PDE10A: variants seen among roughly 807,000 people sequenced by gnomAD.
The protein encoded by PDE10A is cAMP and cAMP-inhibited cGMP 3',5'-cyclic phosphodiesterase 10A.
In PDE10A, 39 loss-of-function variants were observed where a neutral mutation model predicts 97.7. That is an observed-to-expected ratio of 0.40 (90% CI 0.31 to 0.52). The LOEUF (loss-of-function observed/expected upper bound fraction) is 0.52, where lower values mean the gene tolerates loss of function less well. PDE10A is among the 20% of genes least tolerant of loss of function. The probability of loss-of-function intolerance (pLI) is 0.56; values close to 1 mark genes in which losing one functional copy is unlikely to be tolerated. For missense variants in PDE10A, 731 were observed against 1,047.8 expected (o/e 0.70, Z 4.17); for synonymous variants, 371 against 376.8 (o/e 0.98, Z 0.18).
chr6:165,741,874 G>A (rs183200142), intron 1 of PDE10A, among the ~76,000 whole-genome samples: 1 of 152,208 alleles, frequency 6.6e-6, no homozygotes, highest in Non-Finnish European at 1.5e-5. Context: ...ATAGGCAAAG[G>A]AATTTTCCCT....
chr6:165,614,102 T>C (rs1052418733), intron 1 of PDE10A, among the ~76,000 whole-genome samples: 3 of 152,210 alleles, frequency 2.0e-5, no homozygotes, highest in Non-Finnish European at 4.4e-5. Context: ...TCCACTTACT[T>C]TGACCTCTTT....
chr6:165,621,167 T>C (rs1788112743), intron 1 of PDE10A, among the ~76,000 whole-genome samples: 1 of 152,130 alleles, frequency 6.6e-6, no homozygotes, highest in African/African-American at 2.4e-5. Context: ...AGTTTTATGT[T>C]ACTAATGAAA....
chr6:165,963,678 G>A (rs705796), intron 1 of PDE10A, among the ~76,000 whole-genome samples: 75,174 of 152,104 alleles, frequency 0.49, 20,899 homozygotes, highest in East Asian at 0.84. Context: ...AGCAGCATGG[G>A]GGCGGCCACA....
intron 1 of PDE10A, among the ~76,000 whole-genome samples, chr6:165,887,957 C>G (rs1177818401): frequency 6.6e-6 from 1 of 152,212 alleles, no homozygotes; most frequent in Non-Finnish European, 1.5e-5. Context: ...CTTTGCATCT[C>G]TTACCTCACC....
At chr6:165,863,552 A>G (rs769783791) in intron 1 of PDE10A, among the ~76,000 whole-genome samples, 12 of 152,176 alleles carry the variant, frequency 7.9e-5, no homozygotes, top group Non-Finnish European at 1.6e-4. Context: ...TAGCACATTC[A>G]TTTCCTTTCT....
At chr6:165,464,105 T>C (rs548130773) in intron 3 of PDE10A, among the ~76,000 whole-genome samples, 2 of 152,192 alleles carry the variant, frequency 1.3e-5, no homozygotes, top group Non-Finnish European at 2.9e-5. Context: ...CACACCTCCA[T>C]ATTTCTTTGT....
intron 3 of PDE10A, among the ~76,000 whole-genome samples, chr6:165,452,956 T>C (rs1386484099): frequency 1.3e-5 from 2 of 150,734 alleles, no homozygotes; most frequent in Non-Finnish European, 2.9e-5. Context: ...ATTACTTAAG[T>C]GGTCACAATC....
intron 1 of PDE10A, among the ~76,000 whole-genome samples, chr6:165,870,709 C>T (rs1273336701): frequency 1.3e-5 from 2 of 152,006 alleles, no homozygotes; most frequent in African/African-American, 2.4e-5. Flanking sequence ...AATATAAGTG[C>T]CCAGGAGAGG....
At chr6:165,948,972 T>G (rs1254442675) in intron 1 of PDE10A, 1 of 152,242 alleles carries the variant, frequency 6.6e-6, no homozygotes. Flanking sequence ...AGCCATCGCA[T>G]CTGTCTTGCC....
At chr6:165,359,602 G>A (rs1177833927) in intron 18 of PDE10A, among the ~76,000 whole-genome samples, 1 of 151,966 alleles carries the variant, frequency 6.6e-6, no homozygotes, top group Admixed American at 6.6e-5. Flanking sequence ...TTAACACCTT[G>A]AACATATTTA....
intron 2 of PDE10A, among the ~76,000 whole-genome samples, chr6:165,483,747 T>G (rs1297850615): frequency 2.0e-5 from 3 of 152,220 alleles, no homozygotes; most frequent in Non-Finnish European, 4.4e-5. Flanking sequence ...CACCTAGCTA[T>G]GACATTATGG....
At chr6:165,641,648 C>T (rs908307611) in intron 1 of PDE10A, among the ~76,000 whole-genome samples, 4 of 152,302 alleles carry the variant, frequency 2.6e-5, no homozygotes, top group Admixed American at 6.5e-5. Flanking sequence ...TGGGGGCAGG[C>T]CCTCCACTGA....
chr6:165,352,025 T>C (rs925266052), intron 18 of PDE10A, among the ~76,000 whole-genome samples: 3 of 152,152 alleles, frequency 2.0e-5, no homozygotes, highest in Admixed American at 6.5e-5. Flanking sequence ...AGTTAATTTT[T>C]GTATTTTTAG....
Position 165,329,711 on chromosome 6 carries a change from C to A in PDE10A, c.*3314G>T, listed in dbSNP as rs1280866706. 6.6e-6 allele frequency: 1 copy of A among 152,154 alleles called. No individual in the cohort carries two copies. The highest frequency in any genetic ancestry group is 2.4e-5 in the African/African-American group (1 of 41,450). 9.4% of individuals were successfully genotyped at this position (152,154 alleles called of 1,614,324 possible). On this transcript the variant is annotated 3_prime_UTR_variant, in exon 22 of 22. Transcript: ENST00000539869. Reference sequence around the variant, plus strand: ...AAAAGCATGCCAAAAAAGAGGAAATCTATTATTGAACACATCTAGTTTCCA... The same window carrying A: ...AAAAGCATGCCAAAAAAGAGGAAATATATTATTGAACACATCTAGTTTCCA...
intron 1 of PDE10A, among the ~76,000 whole-genome samples, chr6:165,580,250 T>C (rs1785539351): frequency 6.6e-6 from 1 of 151,970 alleles, no homozygotes; most frequent in African/African-American, 2.4e-5. Context: ...GAGGAATGGG[T>C]CGGGTATGTC....
At chr6:165,719,815 A>G (rs1219066898) in intron 1 of PDE10A, among the ~76,000 whole-genome samples, 1 of 152,254 alleles carries the variant, frequency 6.6e-6, no homozygotes, top group Non-Finnish European at 1.5e-5. Flanking sequence ...ATGAAGAAAC[A>G]AGACTAATAC....
chr6:165,757,858 TAG>T (rs1793153782), intron 1 of PDE10A, among the ~76,000 whole-genome samples: 1 of 152,216 alleles, frequency 6.6e-6, no homozygotes, highest in Non-Finnish European at 1.5e-5. Flanking sequence ...TGACATAATT[TAG>T]AGAGAATTGA....
chr6:165,347,348 A>T (rs1007090094), intron 18 of PDE10A, among the ~76,000 whole-genome samples: 1 of 152,210 alleles, frequency 6.6e-6, no homozygotes, highest in Non-Finnish European at 1.5e-5. Context: ...TAACTTTCAT[A>T]TAAGTATAAA....
intron 1 of PDE10A, among the ~76,000 whole-genome samples, chr6:165,578,442 A>T (rs1253750468): frequency 6.6e-6 from 1 of 152,198 alleles, no homozygotes; most frequent in Non-Finnish European, 1.5e-5. Context: ...CAATTTAACC[A>T]AAAGAACAAC....
Sources: allele counts gnomAD v4.1 joint callset (sites outside exome capture counted in the v4.1 genomes callset), GRCh38; gene constraint gnomAD v4.1.1; transcripts MANE v1.5; gene names NCBI Gene and HGNC (gene_info 2026-07-23, HGNC 2026-07-21).